The following PLA2G4C variants were observed in gnomAD, a reference collection of about 807,000 sequenced individuals.
PLA2G4C encodes the protein cytosolic phospholipase A2 gamma.
Under a neutral mutation model 73.8 loss-of-function variants are expected in PLA2G4C, and 64 were observed. The observed-to-expected ratio is 0.87, with a 90% confidence interval of 0.71 to 1.07. PLA2G4C has a LOEUF of 1.07. Among genes scored for constraint, PLA2G4C ranks in the 50% least tolerant of loss-of-function variants. The pLI is 0.00. For synonymous variants in PLA2G4C, 254 were observed against 252.1 expected (o/e 1.01, Z -0.07); for missense variants, 622 against 665.4 (o/e 0.93, Z 0.72).
rs1383379754 is a variant in PLA2G4C, at chr19:48,097,296, A to G, written c.568+843T>C. Among the ~76,000 whole-genome samples the G allele has an allele frequency of 4.1e-5, 5 of 121,668 alleles. No individual in the cohort carries two copies. The Admixed American group carries it at 4.7e-4, about 11-fold the overall frequency. 79.8% of individuals were successfully genotyped at this position (121,668 alleles called of 152,430 possible). ...GAGACGGAGTCTTGCTCTGTCGCCC[A>G]GGCTGGAGTGCTGTGGCGCGATCTC... is the stretch of plus-strand genomic sequence containing the variant. On this transcript the variant is annotated intron_variant, in intron 6 of 16. Coordinates refer to ENST00000599921, the MANE Select transcript of PLA2G4C (RefSeq NM_003706.3).
In PLA2G4C at chr19:48,099,867, G is replaced by A. The variant is rs774814881; in HGVS notation, c.258-7C>T. ...GTAGAGAGAAGATATTGCCCTGGAG[G>A]ACAGAGGAAGAGAGTGAGTTGGGCA... On this transcript the variant is annotated splice_region_variant and splice_polypyrimidine_tract_variant and intron_variant, in intron 4 of 16. Transcript: ENST00000599921. 2.5e-6 allele frequency: 4 copies of A among 1,602,950 alleles called. No individual in the cohort carries two copies. The highest frequency in any genetic ancestry group is 3.4e-6 in the Non-Finnish European group (4 of 1,171,034).
At chr19:48,079,383 T>C (rs896366596) in intron 10 of PLA2G4C, among the ~76,000 whole-genome samples, 28 of 152,142 alleles carry the variant, frequency 1.8e-4, no homozygotes, top group African/African-American at 6.5e-4. Context: ...TATAGCCAAG[T>C]GATCTTCGAC....
intron 14 of PLA2G4C, among the ~76,000 whole-genome samples, chr19:48,058,675 G>A (rs898362372): frequency 2.2e-4 from 33 of 151,928 alleles, no homozygotes; most frequent in South Asian, 1.7e-3. Flanking sequence ...GAAATTAGCC[G>A]GGCATGGTGG....
In PLA2G4C at chr19:48,098,184, T is replaced by C; in HGVS notation, c.523A>G (p.Ile175Val). The C allele has an allele frequency of 1.2e-6, 2 of 1,613,938 alleles. No individual in the cohort carries two copies. Among genetic ancestry groups the C allele is most frequent in the Non-Finnish European group, 1.7e-6 (2 of 1,179,886 alleles). The change falls in exon 6 of 17, where the codon ATT becomes GTT. Residue 175 changes from isoleucine (I) to valine (V), a missense_variant. Coordinates refer to ENST00000599921, the MANE Select transcript of PLA2G4C (RefSeq NM_003706.3). ...GTLPYPIFAA[I>V]DNDLQPSWQE... Reference sequence around the variant, plus strand: ...CAGGAAGGTTGCAGGTCATTGTCAATGGCTGCAAATATTGGGTAGGGTAGT... The same window carrying C: ...CAGGAAGGTTGCAGGTCATTGTCAACGGCTGCAAATATTGGGTAGGGTAGT...
At chr19:48,067,935 G>C in intron 12 of PLA2G4C, 49 bp from the exon 13 acceptor site, 1 of 1,290,396 alleles carries the variant, frequency 7.7e-7, no homozygotes, top group Non-Finnish European at 1.1e-6. Context: ...AGACTGAGTG[G>C]TTTCTGCCCC....
intron 16 of PLA2G4C, among the ~76,000 whole-genome samples, chr19:48,051,123 G>A (rs1351832373): frequency 6.6e-6 from 1 of 152,186 alleles, no homozygotes; most frequent in Non-Finnish European, 1.5e-5. Context: ...GTCAGAGCAA[G>A]GAGGAGATGA....
At chr19:48,049,213 G>T (rs754214220) in intron 16 of PLA2G4C, among the ~76,000 whole-genome samples, 2 of 152,092 alleles carry the variant, frequency 1.3e-5, no homozygotes, top group African/African-American at 2.4e-5. Context: ...GAATGTTATA[G>T]ACATAGGTAA....
At chr19:48,068,744 A>G (rs983366319) in intron 12 of PLA2G4C, among the ~76,000 whole-genome samples, 34 of 151,540 alleles carry the variant, frequency 2.2e-4, no homozygotes, top group Non-Finnish European at 4.0e-4. Flanking sequence ...AAAAAAAAAA[A>G]AAAGAAAAAA....
intron 12 of PLA2G4C, among the ~76,000 whole-genome samples, chr19:48,068,988 G>T (rs904762606): frequency 6.7e-6 from 1 of 149,780 alleles, no homozygotes; most frequent in African/African-American, 2.5e-5. Flanking sequence ...AGGTGGGTGG[G>T]TCACTTGAGG....
At chr19:48,054,165 T>C (rs996921601) in intron 15 of PLA2G4C, among the ~76,000 whole-genome samples, 2 of 152,168 alleles carry the variant, frequency 1.3e-5, no homozygotes, top group Admixed American at 1.3e-4. Flanking sequence ...ATGGTTTGGC[T>C]GTGTCCCCAC....
intron 10 of PLA2G4C, among the ~76,000 whole-genome samples, chr19:48,082,853 G>A (rs1214544662): frequency 8.2e-5 from 11 of 133,376 alleles, no homozygotes; most frequent in Admixed American, 4.3e-4. Context: ...TCGCTCTGTC[G>A]CCCAGGCTGG....
At chr19:48,108,959 G>C (rs1477771946) in intron 1 of PLA2G4C, 2 of 152,112 alleles carry the variant, frequency 1.3e-5, no homozygotes, top group Admixed American at 1.3e-4. Flanking sequence ...AAAAGTAAAT[G>C]AATGTGGCTT....
At position 48,105,336 on chromosome 19, in the gene PLA2G4C, A is replaced by G. The variant is rs781754306; in HGVS notation, c.117T>C (p.Asp39=). The G allele has an allele frequency of 1.9e-6, 3 of 1,609,316 alleles. No homozygotes were observed. Among genetic ancestry groups the G allele is most frequent in the Non-Finnish European group, 2.5e-6 (3 of 1,176,684 alleles). Residue 39 remains aspartate, a synonymous_variant, in exon 3 of 17, where the codon GAT becomes GAC. Transcript: ENST00000599921. ...CCACCCTCCTCCCCTCACTTACCTC[A>G]TCAGCCTCAATCCTTAGCTTCTTCA... The part of the protein sequence containing the change: ...KALKKLRIEA[D]EAPVVAVLGS...
intron 16 of PLA2G4C, 88 bp downstream of exon 16, chr19:48,052,908 CA>C: frequency 7.1e-7 from 1 of 1,409,812 alleles, no homozygotes; most frequent in Non-Finnish European, 9.7e-7. Context: ...TTCACCCATG[CA>C]ACCCTCCTGC....
At chr19:48,082,975 G>A (rs1400888385) in intron 10 of PLA2G4C, among the ~76,000 whole-genome samples, 2 of 151,602 alleles carry the variant, frequency 1.3e-5, no homozygotes, top group Non-Finnish European at 2.9e-5. Context: ...CACTACGCCC[G>A]GCTAATTTTT....
chr19:48,097,469 G>A (rs2031656515), intron 6 of PLA2G4C, among the ~76,000 whole-genome samples: 1 of 151,458 alleles, frequency 6.6e-6, no homozygotes, highest in Non-Finnish European at 1.5e-5. Flanking sequence ...AGTCAGGATG[G>A]TCTTGATCTC....
intron 2 of PLA2G4C, among the ~76,000 whole-genome samples, chr19:48,105,927 C>T (rs1407338765): frequency 0.013 from 188 of 14,180 alleles, 29 homozygotes; most frequent in East Asian, 0.057. Flanking sequence ...CCCTCCCTCC[C>T]TCCCTCCCTC....
chr19:48,055,987 T>C (rs1333969747), intron 14 of PLA2G4C, among the ~76,000 whole-genome samples: 1 of 152,128 alleles, frequency 6.6e-6, no homozygotes, highest in Non-Finnish European at 1.5e-5. Flanking sequence ...GTAGGAGAAA[T>C]TAATTTTAAA....
At chr19:48,090,889 C>T (rs938430979) in intron 7 of PLA2G4C, among the ~76,000 whole-genome samples, 1 of 152,064 alleles carries the variant, frequency 6.6e-6, no homozygotes, top group Non-Finnish European at 1.5e-5. Context: ...ACTCTAGTCT[C>T]AGCTACTTGG....
Sources: allele counts gnomAD v4.1 joint callset (sites outside exome capture counted in the v4.1 genomes callset), GRCh38; gene constraint gnomAD v4.1.1; transcripts MANE v1.5; gene names NCBI Gene and HGNC (gene_info 2026-07-23, HGNC 2026-07-21).